Variants in FIG4 observed in about 807,000 individuals in gnomAD.
FIG4 encodes FIG4 phosphoinositide 5-phosphatase.
In FIG4, 112 loss-of-function variants were observed where a neutral mutation model predicts 118.6. The ratio of observed to expected loss-of-function variants is 0.94; its 90% CI spans 0.81 to 1.11. The LOEUF (loss-of-function observed/expected upper bound fraction) is 1.11, where lower values mean the gene tolerates loss of function less well. Ranked by LOEUF, FIG4 falls within the 50% of genes least tolerant of loss-of-function variation. The pLI, the probability that FIG4 is intolerant of heterozygous loss-of-function variation, is 0.00. For missense variants in FIG4, 969 were observed against 1,111.7 expected, an observed-to-expected ratio of 0.87 and a Z score of 1.83; for synonymous variants, 369 against 381.2, an observed-to-expected ratio of 0.97 and a Z score of 0.37.
chr6:109,769,639 CG>C (rs1777398144), intron 15 of FIG4, among the ~76,000 whole-genome samples: 1 of 149,388 alleles, frequency 6.7e-6, no homozygotes, highest in African/African-American at 2.5e-5. Flanking sequence ...AAAAAAAAAG[CG>C]CTGGGCACAG....
intron 22 of FIG4, among the ~76,000 whole-genome samples, chr6:109,800,276 G>C (rs1211448559): frequency 2.0e-5 from 3 of 152,116 alleles, no homozygotes; most frequent in Admixed American, 2.0e-4. Context: ...ACCTCATTTT[G>C]GGCATCTGAC....
At chr6:109,791,151 CATTT>C (rs1264838795) in intron 19 of FIG4, among the ~76,000 whole-genome samples, 3 of 152,142 alleles carry the variant, frequency 2.0e-5, no homozygotes, top group Admixed American at 2.0e-4. Flanking sequence ...AAGTAATTTT[CATTT>C]ATTTTTTGAA....
rs188617100 is a variant in FIG4, at chr6:109,798,541, T to A, written c.2546+1690T>A. 9.2e-5 allele frequency among the ~76,000 whole-genome samples: 14 copies of A among 152,258 alleles called. No homozygotes were observed. The East Asian group carries it at 2.7e-3, about 29-fold the overall frequency. Reference sequence around the variant, plus strand: ...CTGGAACTCAGAAGAGAACCTGGGCTGGGGATGTAAATGCTCATGAGTAAT... The same window carrying A: ...CTGGAACTCAGAAGAGAACCTGGGCAGGGGATGTAAATGCTCATGAGTAAT... On this transcript the variant is annotated intron_variant, in intron 22 of 22. Transcript: ENST00000230124.
chr6:109,776,118 C>T (rs1777610761), intron 15 of FIG4, among the ~76,000 whole-genome samples: 1 of 152,138 alleles, frequency 6.6e-6, no homozygotes, highest in African/African-American at 2.4e-5. Context: ...GAACGAAGGA[C>T]ACTAGGGAGG....
chr6:109,767,735 G>C (rs1777323932), intron 15 of FIG4, among the ~76,000 whole-genome samples: 2 of 152,202 alleles, frequency 1.3e-5, no homozygotes, highest in Admixed American at 1.3e-4. Flanking sequence ...AGCCAGGCGT[G>C]GTGATGGGGG....
At chr6:109,758,919 GTTAGAATGGCGATTA>G (rs1777010565) in intron 10 of FIG4, among the ~76,000 whole-genome samples, 1 of 152,246 alleles carries the variant, frequency 6.6e-6, no homozygotes, top group Non-Finnish European at 1.5e-5. Flanking sequence ...TCTCACGCCA[GTTAGAATGGCGATTA>G]TTTAAGTCAG....
At chr6:109,771,000 G>T (rs1210224408) in intron 15 of FIG4, among the ~76,000 whole-genome samples, 1 of 152,150 alleles carries the variant, frequency 6.6e-6, no homozygotes, top group Non-Finnish European at 1.5e-5. Context: ...GCTGAAAGAG[G>T]GACATCAAAG....
rs1776665209 is a variant in FIG4, at chr6:109,750,758, C to T, written c.1137+6986C>T. Among the ~76,000 whole-genome samples the T allele has an allele frequency of 2.0e-5, 3 of 152,170 alleles. No homozygotes were observed. In the South Asian group the frequency reaches 6.2e-4, roughly 32 times the overall value. ...CCCACTAACACTATTACACTATGGA[C>T]AGACAATGCATACAGCAGATTCTTC... On this transcript the variant is annotated intron_variant, in intron 10 of 22. Coordinates refer to ENST00000230124, the MANE Select transcript of FIG4 (RefSeq NM_014845.6).
At chr6:109,719,171 A>G (rs1267233196) in intron 3 of FIG4, among the ~76,000 whole-genome samples, 1 of 152,142 alleles carries the variant, frequency 6.6e-6, no homozygotes, top group East Asian at 1.9e-4. Flanking sequence ...TGCCTGTCTC[A>G]GCCTCCCAAA....
chr6:109,757,017 G>A (rs191381942), intron 10 of FIG4, among the ~76,000 whole-genome samples: 20 of 152,186 alleles, frequency 1.3e-4, no homozygotes, highest in Admixed American at 9.2e-4. Context: ...GAAATCACCC[G>A]TCTTCTGCGT....
intron 10 of FIG4, among the ~76,000 whole-genome samples, chr6:109,753,571 G>A (rs1468087823): frequency 2.0e-5 from 3 of 152,120 alleles, no homozygotes; most frequent in Non-Finnish European, 2.9e-5. Flanking sequence ...GTTCCTACCC[G>A]TGAGCATGGA....
At chr6:109,715,216 A>G (rs1174208396) in intron 2 of FIG4, 40 bp downstream of exon 2, 2 of 999,132 alleles carry the variant, frequency 2.0e-6, no homozygotes, top group Non-Finnish European at 3.2e-6. Context: ...AAACTTTCAT[A>G]CCTGTTGTTT....
intron 11 of FIG4, among the ~76,000 whole-genome samples, chr6:109,761,057 G>A (rs1458297678): frequency 6.6e-6 from 1 of 152,022 alleles, no homozygotes; most frequent in African/African-American, 2.4e-5. Flanking sequence ...TTTACTTAAG[G>A]TCTTATTTTT....
At position 109,754,187 on chromosome 6, in the gene FIG4, A is replaced by G. The variant is rs548234519; in HGVS notation, c.1138-6063A>G. On this transcript the variant is annotated intron_variant, in intron 10 of 22. Coordinates refer to ENST00000230124, the MANE Select transcript of FIG4 (RefSeq NM_014845.6). ...TTTCTCAAAGGCCTTTTCTGCATCTATTGAGATAATCATGTGGTTTTTGTC... is the reference window on the plus strand; with the variant it reads ...TTTCTCAAAGGCCTTTTCTGCATCTGTTGAGATAATCATGTGGTTTTTGTC... 4.6e-5 allele frequency among the ~76,000 whole-genome samples: 7 copies of G among 152,206 alleles called. No homozygotes were observed. In the South Asian group the frequency reaches 1.0e-3, roughly 23 times the overall value.
Position 109,796,862 on chromosome 6 carries a change from G to T in FIG4, c.2546+11G>T, listed in dbSNP as rs1051662160. ...TGGAGTTATAAAACTGTAAGTACTA[G>T]ATTAGATCTTTAAAGAAATCTTTGT... On this transcript the variant is annotated intron_variant, in intron 22 of 22. Coordinates refer to ENST00000230124, the MANE Select transcript of FIG4 (RefSeq NM_014845.6). 2 of 1,457,818 alleles carry T rather than the reference G, an allele frequency of 1.4e-6. No individual in the cohort carries two copies. Among genetic ancestry groups the T allele is most frequent in the Non-Finnish European group, 1.9e-6 (2 of 1,037,182 alleles). The allele number at this position is 1,457,818 out of a possible 1,614,324, so 90.3% of individuals were successfully genotyped here. A position where few individuals can be genotyped will look rare whatever the true frequency, so the allele number is the denominator to read the frequency against.
chr6:109,761,657 G>A (rs988968896), intron 11 of FIG4, among the ~76,000 whole-genome samples: 2 of 152,214 alleles, frequency 1.3e-5, no homozygotes, highest in Non-Finnish European at 2.9e-5. Context: ...AAAGTGCTGG[G>A]ATTACAGGCG....
intron 15 of FIG4, among the ~76,000 whole-genome samples, chr6:109,769,804 A>T (rs1051614993): frequency 6.6e-6 from 1 of 152,094 alleles, no homozygotes; most frequent in Non-Finnish European, 1.5e-5. Flanking sequence ...CTGTAGTCCC[A>T]GCTATGTGAG....
rs545442825 is a variant in FIG4, at chr6:109,729,285, T to C, written c.446+2020T>C. On this transcript the variant is annotated intron_variant, in intron 4 of 22. Transcript: ENST00000230124. ...GACAAAATTCAATACCCATTTGTGATAAAAGGTTTTAGCAAACTAGGAATA... is the reference window on the plus strand; with the variant it reads ...GACAAAATTCAATACCCATTTGTGACAAAAGGTTTTAGCAAACTAGGAATA... Among the ~76,000 whole-genome samples the C allele has an allele frequency of 2.3e-4, 35 of 152,336 alleles. 1 individual carries two copies. Among genetic ancestry groups the C allele is most frequent in the African/African-American group, 8.2e-4 (34 of 41,580 alleles).
intron 1 of FIG4, among the ~76,000 whole-genome samples, chr6:109,699,586 T>C: frequency 6.7e-6 from 1 of 149,928 alleles, no homozygotes; most frequent in Non-Finnish European, 1.5e-5. Flanking sequence ...CACTGCAGCC[T>C]CTGCCTCCTG....
Sources: gnomAD v4.1 joint callset for allele counts (sites outside exome capture counted in the v4.1 genomes callset) on GRCh38, gnomAD v4.1.1 for gene constraint, MANE v1.5 for transcripts, NCBI Gene and HGNC (gene_info 2026-07-23, HGNC 2026-07-21) for gene names.